UNC5C: variants seen among roughly 807,000 people sequenced by gnomAD.
UNC5C encodes the protein netrin receptor UNC5C.
Under a neutral mutation model 99.8 loss-of-function variants are expected in UNC5C, and 47 were observed. That is an observed-to-expected ratio of 0.47 (90% CI 0.37 to 0.60). UNC5C has a LOEUF of 0.60. Ranked by LOEUF, UNC5C falls within the 20% of genes least tolerant of loss-of-function variation. UNC5C has a pLI of 0.00. For synonymous variants in UNC5C, 487 were observed against 452.2 expected (o/e 1.08, Z -0.98); for missense variants, 1,062 against 1,165.9 (o/e 0.91, Z 1.30).
chr4:95,464,979 A>G (rs889647393), intron 1 of UNC5C, among the ~76,000 whole-genome samples: 14 of 152,186 alleles, frequency 9.2e-5, no homozygotes, highest in African/African-American at 3.4e-4. Context: ...TAAATAATGA[A>G]AAAGATATTC....
chr4:95,222,779 C>T (rs1052764534), intron 7 of UNC5C, among the ~76,000 whole-genome samples: 1 of 152,170 alleles, frequency 6.6e-6, no homozygotes, highest in African/African-American at 2.4e-5. Context: ...GAGACCACCT[C>T]TCCCCCGCTC....
At chr4:95,331,011 T>A (rs1012280454) in intron 2 of UNC5C, among the ~76,000 whole-genome samples, 1 of 152,056 alleles carries the variant, frequency 6.6e-6, no homozygotes, top group Non-Finnish European at 1.5e-5. Flanking sequence ...CATTTCACAC[T>A]CAACATCCAC....
intron 1 of UNC5C, 87 bp downstream of exon 1, chr4:95,548,647 G>A (rs569695673): frequency 6.8e-7 from 1 of 1,461,702 alleles, no homozygotes; most frequent in Non-Finnish European, 9.1e-7. Flanking sequence ...GCAAATTGAG[G>A]AAGTCAAGAG....
At chr4:95,382,735 A>G (rs1031500220) in intron 1 of UNC5C, among the ~76,000 whole-genome samples, 2 of 152,100 alleles carry the variant, frequency 1.3e-5, no homozygotes, top group South Asian at 4.1e-4. Context: ...TAGCCTTGCT[A>G]TCATTTGATT....
chr4:95,200,707 A>G (rs1737621696), intron 12 of UNC5C, among the ~76,000 whole-genome samples: 1 of 152,226 alleles, frequency 6.6e-6, no homozygotes, highest in Non-Finnish European at 1.5e-5. Flanking sequence ...ACAATTATCA[A>G]CATAACGTAG....
chr4:95,258,746 CTTTTTTTTT>C (rs775570031), intron 4 of UNC5C, among the ~76,000 whole-genome samples: 4 of 76,054 alleles, frequency 5.3e-5, no homozygotes, highest in South Asian at 5.6e-4. Context: ...CCATCTTATT[CTTTTTTTTT>C]TTTTTTTTTT....
At chr4:95,170,768 T>A (rs1736065396) in intron 14 of UNC5C, among the ~76,000 whole-genome samples, 1 of 152,252 alleles carries the variant, frequency 6.6e-6, no homozygotes, top group Non-Finnish European at 1.5e-5. Flanking sequence ...GGAAACAGCC[T>A]GACCTTGAGG....
intron 14 of UNC5C, among the ~76,000 whole-genome samples, chr4:95,179,732 G>T (rs1345669222): frequency 8.2e-6 from 1 of 122,380 alleles, no homozygotes; most frequent in African/African-American, 2.9e-5. Flanking sequence ...GGGCCACAGA[G>T]CAAGACTCCT....
At chr4:95,541,866 C>T (rs551779683) in intron 1 of UNC5C, among the ~76,000 whole-genome samples, 2 of 152,120 alleles carry the variant, frequency 1.3e-5, no homozygotes, top group South Asian at 4.2e-4. Flanking sequence ...TCAGGCAGTC[C>T]ATGATTAAAT....
rs540733776 is a variant in UNC5C at position 95,536,055 on chromosome 4, T to C, written c.124+12679A>G. On this transcript the variant is annotated intron_variant, in intron 1 of 15. Coordinates refer to ENST00000453304, the MANE Select transcript of UNC5C (RefSeq NM_003728.4). Reference sequence around the variant, plus strand: ...CTAATGTGTTGGCAGTCCATATACATACATACATATATATATATATATATA... The same window carrying C: ...CTAATGTGTTGGCAGTCCATATACACACATACATATATATATATATATATA... Among the ~76,000 whole-genome samples the C allele has an allele frequency of 2.5e-5, 3 of 120,990 alleles. No individual in the cohort carries two copies. In the South Asian group the frequency reaches 8.4e-4, roughly 34 times the overall value. The allele number at this position is 120,990 out of a possible 152,430, so 79.4% of individuals were successfully genotyped here.
At chr4:95,404,931 G>A (rs780950210) in intron 1 of UNC5C, among the ~76,000 whole-genome samples, 1 of 152,116 alleles carries the variant, frequency 6.6e-6, no homozygotes, top group African/African-American at 2.4e-5. Flanking sequence ...AGTTGAAGAG[G>A]AGTTTAGCCA....
At chr4:95,342,908 G>T (rs1437476097) in intron 1 of UNC5C, among the ~76,000 whole-genome samples, 1 of 151,994 alleles carries the variant, frequency 6.6e-6, no homozygotes, top group African/African-American at 2.4e-5. Context: ...CAGTGGCAGT[G>T]GCCATGGAAA....
At chr4:95,266,098 T>G (rs2149388745) in intron 4 of UNC5C, among the ~76,000 whole-genome samples, 2 of 152,272 alleles carry the variant, frequency 1.3e-5, no homozygotes, top group South Asian at 4.1e-4. Flanking sequence ...ATTAATAATA[T>G]CTTCCAAAAA....
At chr4:95,438,421 C>T (rs1205527012) in intron 1 of UNC5C, among the ~76,000 whole-genome samples, 1 of 144,830 alleles carries the variant, frequency 6.9e-6, no homozygotes, top group African/African-American at 2.6e-5. Flanking sequence ...AATAATTCAA[C>T]TATAGGAACG....
intron 1 of UNC5C, among the ~76,000 whole-genome samples, chr4:95,486,795 G>A (rs1434494272): frequency 6.6e-6 from 1 of 151,226 alleles, no homozygotes; most frequent in African/African-American, 2.4e-5. Flanking sequence ...TTATCACAAT[G>A]TACTATGAAA....
At chr4:95,509,914 C>T (rs571523115) in intron 1 of UNC5C, among the ~76,000 whole-genome samples, 5 of 151,928 alleles carry the variant, frequency 3.3e-5, no homozygotes, top group Non-Finnish European at 7.4e-5. Flanking sequence ...AGTGCGTTTG[C>T]GTTTCACGTC....
chr4:95,516,802 A>G (rs954558281), intron 1 of UNC5C, among the ~76,000 whole-genome samples: 2 of 152,134 alleles, frequency 1.3e-5, no homozygotes, highest in African/African-American at 4.8e-5. Context: ...AGAAGGCCTC[A>G]TTTCGACCAG....
chr4:95,313,155 C>T (rs1742333046), intron 2 of UNC5C, among the ~76,000 whole-genome samples: 1 of 151,960 alleles, frequency 6.6e-6, no homozygotes. Flanking sequence ...AGCCAAAGAG[C>T]AGAGATGAAA....
intron 2 of UNC5C, among the ~76,000 whole-genome samples, chr4:95,313,402 A>T (rs1742344127): frequency 6.6e-6 from 1 of 152,182 alleles, no homozygotes; most frequent in Non-Finnish European, 1.5e-5. Flanking sequence ...GACTTACTTT[A>T]AAGGAATTTT....
Sources: gnomAD v4.1 joint callset for allele counts (sites outside exome capture counted in the v4.1 genomes callset) on GRCh38, gnomAD v4.1.1 for gene constraint, MANE v1.5 for transcripts, NCBI Gene and HGNC (gene_info 2026-07-23, HGNC 2026-07-21) for gene names.